Variants in ARK2C observed in about 807,000 individuals in gnomAD.
ARK2C encodes arkadia (RNF111) C-terminal like ring finger ubiquitin ligase 2C, also known as E3 ubiquitin-protein ligase ARK2C.
the ARK2C span, among the ~76,000 whole-genome samples, chr18:46,389,672 C>T: frequency 6.6e-6 from 1 of 152,134 alleles, no homozygotes; most frequent in Non-Finnish European, 1.5e-5. Flanking sequence ...TGTCTTAGGC[C>T]CCTACTAGAT....
the ARK2C span, among the ~76,000 whole-genome samples, chr18:46,352,473 G>C: frequency 9.2e-3 from 1,403 of 152,228 alleles, 24 homozygotes; most frequent in African/African-American, 0.032. Context: ...GTTTGGCTGT[G>C]GTAACAGAGA....
the ARK2C span, among the ~76,000 whole-genome samples, chr18:46,367,912 C>T: frequency 4.6e-5 from 7 of 152,308 alleles, no homozygotes; most frequent in South Asian, 8.3e-4. Flanking sequence ...AACCACTTTC[C>T]TCCATGATTC....
chr18:46,378,458 A>G, the ARK2C span, among the ~76,000 whole-genome samples: 1 of 152,180 alleles, frequency 6.6e-6, no homozygotes, highest in Admixed American at 6.5e-5. Context: ...GCAGCGTGAG[A>G]AGTGATGGGC....
the ARK2C span, among the ~76,000 whole-genome samples, chr18:46,344,464 A>C: frequency 6.7e-6 from 1 of 148,376 alleles, no homozygotes. Flanking sequence ...CCCGAGGACC[A>C]CCCACCTCCT....
chr18:46,420,113 C>T, the ARK2C span, among the ~76,000 whole-genome samples: 10 of 152,172 alleles, frequency 6.6e-5, no homozygotes, highest in Admixed American at 6.5e-4. Flanking sequence ...GTGTGGAGGT[C>T]AACTCCCATG....
chr18:46,433,073 G>A, the ARK2C span: 1 of 693,312 alleles, frequency 1.4e-6, no homozygotes, highest in Non-Finnish European at 2.4e-6. Flanking sequence ...ACGCTGCTGT[G>A]TCCTAATGTA....
the ARK2C span, among the ~76,000 whole-genome samples, chr18:46,434,662 C>T: frequency 6.6e-6 from 1 of 152,288 alleles, no homozygotes; most frequent in South Asian, 2.1e-4. Flanking sequence ...CCCAAGGATG[C>T]TCGGAGCACA....
chr18:46,376,838 T>C, the ARK2C span, among the ~76,000 whole-genome samples: 1 of 152,016 alleles, frequency 6.6e-6, no homozygotes, highest in Non-Finnish European at 1.5e-5. Flanking sequence ...GCCTGGCTAA[T>C]TTTTGTATTT....
At chr18:46,334,582 A>AT in the ARK2C span, 5 of 477,478 alleles carry the variant, frequency 1.0e-5, no homozygotes, top group Admixed American at 8.6e-5. This position sits in a 1 kb window ranked among gnomAD's most constrained non-coding sequence, Gnocchi z 4.4. Context: ...CCCATTTTTT[A>AT]TTTTTTGCGG....
At chr18:46,375,275 G>GGGT in the ARK2C span, among the ~76,000 whole-genome samples, 1,961 of 152,024 alleles carry the variant, frequency 0.013, 39 homozygotes, top group African/African-American at 0.045. Context: ...TGTCCTGGCC[G>GGGT]GGCACAGTGG....
At chr18:46,398,804 G>A in the ARK2C span, among the ~76,000 whole-genome samples, 2 of 152,052 alleles carry the variant, frequency 1.3e-5, no homozygotes, top group African/African-American at 4.8e-5. Context: ...TCCTGGTGGG[G>A]TGTGGTTACT....
At chr18:46,344,168 G>A in the ARK2C span, among the ~76,000 whole-genome samples, 7 of 152,190 alleles carry the variant, frequency 4.6e-5, no homozygotes, top group Non-Finnish European at 8.8e-5. Context: ...GAAAGGAAGC[G>A]GCGGCTGCTG....
the ARK2C span, among the ~76,000 whole-genome samples, chr18:46,451,020 A>G: frequency 8.2e-4 from 125 of 152,300 alleles, 1 homozygote; most frequent in African/African-American, 2.8e-3. Context: ...TTAGTAAAGA[A>G]GGAGAGCTGG....
chr18:46,371,286 A>T, the ARK2C span, among the ~76,000 whole-genome samples: 1 of 152,158 alleles, frequency 6.6e-6, no homozygotes, highest in African/African-American at 2.4e-5. Context: ...CCCTATCAGG[A>T]GGTCAGGGGA....
the ARK2C span, among the ~76,000 whole-genome samples, chr18:46,423,491 G>A: frequency 6.6e-6 from 1 of 152,212 alleles, no homozygotes; most frequent in Non-Finnish European, 1.5e-5. Context: ...AGAAGAGGTG[G>A]TACCACCAGG....
At chr18:46,434,648 G>A in the ARK2C span, among the ~76,000 whole-genome samples, 2 of 152,194 alleles carry the variant, frequency 1.3e-5, no homozygotes, top group African/African-American at 2.4e-5. Context: ...GGGTTGCAGG[G>A]ACTCCCAAGG....
chr18:46,437,680 T>C, the ARK2C span, among the ~76,000 whole-genome samples: 4 of 152,182 alleles, frequency 2.6e-5, no homozygotes, highest in Admixed American at 1.3e-4. Context: ...GGGGGATACA[T>C]CCCAAACCCC....
the ARK2C span, among the ~76,000 whole-genome samples, chr18:46,385,029 T>C: frequency 3.3e-5 from 5 of 152,312 alleles, no homozygotes; most frequent in African/African-American, 9.6e-5. Context: ...CCTCAAAGAT[T>C]TCCAGAGTGG....
the ARK2C span, among the ~76,000 whole-genome samples, chr18:46,381,866 G>T: frequency 6.5e-4 from 99 of 151,872 alleles, no homozygotes; most frequent in East Asian, 1.7e-3. Context: ...AAACTCCAAA[G>T]GTGGGGTTTC....
Sources: gnomAD v4.1 joint callset for allele counts (sites outside exome capture counted in the v4.1 genomes callset) on GRCh38, gnomAD v4.1.1 for gene constraint, Gnocchi (gnomAD v3.1) non-coding constraint, MANE v1.5 for transcripts, NCBI Gene and HGNC (gene_info 2026-07-23, HGNC 2026-07-21) for gene names.